Variants in WWC1 observed in about 807,000 individuals in gnomAD.
WWC1 encodes protein KIBRA.
Under a neutral mutation model 138.4 loss-of-function variants are expected in WWC1, and 55 were observed. That is an observed-to-expected ratio of 0.40 (90% CI 0.32 to 0.50). The LOEUF is 0.50. WWC1 is among the 20% of genes least tolerant of loss of function. The pLI, the probability that WWC1 is intolerant of heterozygous loss-of-function variation, is 0.72. For synonymous variants in WWC1, 524 were observed against 564.9 expected (o/e 0.93, Z 1.03); for missense variants, 1,226 against 1,420.4 (o/e 0.86, Z 2.20).
intron 1 of WWC1, among the ~76,000 whole-genome samples, chr5:168,357,497 C>CGT (rs1775544935): frequency 1.5e-5 from 2 of 130,832 alleles, no homozygotes; most frequent in Non-Finnish European, 3.2e-5. Context: ...TGTGTGTGCG[C>CGT]GCGCGCACGC....
rs144099501 is a variant in WWC1 at position 168,358,827 on chromosome 5, C to T, written c.120-12597C>T. Among the ~76,000 whole-genome samples the T allele has an allele frequency of 3.3e-5, 5 of 152,134 alleles. No homozygotes were observed. In the East Asian group the frequency reaches 7.7e-4, roughly 23 times the overall value. ...ACACATACATACATGTATACGTACA[C>T]ATGTAGGAACTCCTCATCATAATCA... On this transcript the variant is annotated intron_variant, in intron 1 of 22. Transcript: ENST00000265293.
At chr5:168,385,474 T>G in intron 3 of WWC1, 60 bp downstream of exon 3, 1 of 1,540,826 alleles carries the variant, frequency 6.5e-7, no homozygotes, top group Non-Finnish European at 8.9e-7. Context: ...CCACACTGAG[T>G]TCTGCCAATA....
chr5:168,355,494 C>CAA (rs564674062), intron 1 of WWC1, among the ~76,000 whole-genome samples: 473 of 66,026 alleles, frequency 7.2e-3, no homozygotes, highest in Middle Eastern at 0.019. Flanking sequence ...GACTCCGTCT[C>CAA]AAAAAAAAAA....
chr5:168,331,886 C>CTG (rs1773062697), intron 1 of WWC1, among the ~76,000 whole-genome samples: 1 of 152,214 alleles, frequency 6.6e-6, no homozygotes, highest in Non-Finnish European at 1.5e-5. Flanking sequence ...TGGCTCATGC[C>CTG]TGTAATCCCA....
At chr5:168,422,980 T>C (rs1582242944) in intron 10 of WWC1, among the ~76,000 whole-genome samples, 1 of 151,782 alleles carries the variant, frequency 6.6e-6, no homozygotes, top group East Asian at 1.9e-4. Context: ...ACCCCCTCTC[T>C]ACTAAAATAC....
At chr5:168,354,504 TAATTTACTCCTCC>T (rs1238001106) in intron 1 of WWC1, among the ~76,000 whole-genome samples, 1 of 152,232 alleles carries the variant, frequency 6.6e-6, no homozygotes, top group Non-Finnish European at 1.5e-5. Flanking sequence ...ATATTTTAGC[TAATTTACTCCTCC>T]ATTCTATCTT....
chr5:168,464,707 G>A (rs985822793), intron 20 of WWC1, 22 bp from the exon 21 acceptor site: 14 of 1,613,766 alleles, frequency 8.7e-6, no homozygotes, highest in African/African-American at 5.3e-5. Context: ...AATAACAAGA[G>A]AAGCCGTCCC....
intron 15 of WWC1, among the ~76,000 whole-genome samples, chr5:168,438,873 T>G (rs1001183481): frequency 6.6e-6 from 1 of 152,160 alleles, no homozygotes; most frequent in African/African-American, 2.4e-5. Context: ...CAGGTTAGTT[T>G]GTTATAGTTT....
At chr5:168,361,984 G>A (rs1204070813) in intron 1 of WWC1, among the ~76,000 whole-genome samples, 2 of 152,210 alleles carry the variant, frequency 1.3e-5, no homozygotes, top group Admixed American at 1.3e-4. Flanking sequence ...TTGGGAGGCT[G>A]AGGCAGGAGA....
chr5:168,390,754 C>A (rs147761946), intron 3 of WWC1, among the ~76,000 whole-genome samples: 1 of 152,236 alleles, frequency 6.6e-6, no homozygotes, highest in African/African-American at 2.4e-5. Flanking sequence ...CAGACACAGA[C>A]GGGGCCCTGC....
intron 12 of WWC1, 38 bp downstream of exon 12, chr5:168,428,179 A>T (rs1234700230): frequency 6.3e-7 from 1 of 1,590,848 alleles, no homozygotes; most frequent in Non-Finnish European, 8.6e-7. Context: ...GTGGCCCTGT[A>T]AGCCATGAAC....
chr5:168,371,868 G>A lies in WWC1; in HGVS notation c.229+335G>A, dbSNP rs1776774238. On this transcript the variant is annotated intron_variant, in intron 2 of 22. Transcript: ENST00000265293. ...TTTGTATGTGTGTATGTGTATATAT[G>A]CACATATATATTTACATATGTAAAT... Among the ~76,000 whole-genome samples the A allele has an allele frequency of 2.6e-5, 4 of 152,012 alleles. No homozygotes were observed. In the South Asian group the frequency reaches 8.3e-4, roughly 31 times the overall value.
chr5:168,397,635 T>G (rs1778998782), intron 3 of WWC1, 89 bp from the exon 4 acceptor site: 2 of 1,378,834 alleles, frequency 1.5e-6, no homozygotes, highest in Non-Finnish European at 2.0e-6. Flanking sequence ...AGTCCTTCCC[T>G]TTCTAGGTTT....
chr5:168,459,271 AAAAGAAAG>A (rs796129111), intron 19 of WWC1, among the ~76,000 whole-genome samples: 2 of 147,778 alleles, frequency 1.4e-5, no homozygotes, highest in African/African-American at 2.6e-5. Flanking sequence ...AAAAAAAAAA[AAAAGAAAG>A]AAAGAAAGAG....
chr5:168,381,386 A>G (rs1777619614), intron 2 of WWC1, among the ~76,000 whole-genome samples: 1 of 152,170 alleles, frequency 6.6e-6, no homozygotes, highest in South Asian at 2.1e-4. Flanking sequence ...CAGCATTTCA[A>G]CCAGCACCTG....
At chr5:168,309,840 G>A (rs1483069233) in intron 1 of WWC1, among the ~76,000 whole-genome samples, 1 of 152,154 alleles carries the variant, frequency 6.6e-6, no homozygotes, top group Non-Finnish European at 1.5e-5. Flanking sequence ...CCTCTGCCAT[G>A]AAGCCACAGG....
intron 5 of WWC1, among the ~76,000 whole-genome samples, chr5:168,403,075 TTTCTTTTCTTTCTTTTC>T (rs1779494240): frequency 7.5e-6 from 1 of 133,630 alleles, no homozygotes; most frequent in Non-Finnish European, 1.6e-5. Flanking sequence ...TCTTTCTTTC[TTTCTTTTCTTTCTTTTC>T]TTTCTTTCTT....
chr5:168,297,705 A>G (rs757189005), intron 1 of WWC1, among the ~76,000 whole-genome samples: 3 of 151,864 alleles, frequency 2.0e-5, no homozygotes, highest in Non-Finnish European at 4.4e-5. Flanking sequence ...ATAAATGCCA[A>G]CCTCGAGTCT....
At position 168,353,660 on chromosome 5, in the gene WWC1, C is replaced by T. The variant is rs1283376433; in HGVS notation, c.120-17764C>T. ...TGTTCCTCCATCACTCGCTGTGTGC[C>T]GTCAGGCCAATCAAGCGCTTCTTGA... On this transcript the variant is annotated intron_variant, in intron 1 of 22. Transcript: ENST00000265293. Among the ~76,000 whole-genome samples the T allele has an allele frequency of 3.3e-5, 5 of 152,228 alleles. No individual in the cohort carries two copies. The South Asian group carries it at 8.3e-4, about 25-fold the overall frequency.
Sources: allele counts gnomAD v4.1 joint callset (sites outside exome capture counted in the v4.1 genomes callset), GRCh38; gene constraint gnomAD v4.1.1; transcripts MANE v1.5; gene names NCBI Gene and HGNC (gene_info 2026-07-23, HGNC 2026-07-21).